Variants in MYH2 observed in about 807,000 individuals in gnomAD.
MYH2 encodes the protein myosin heavy chain 2.
Under a neutral mutation model 228.1 loss-of-function variants are expected in MYH2, and 139 were observed. That is an observed-to-expected ratio of 0.61 (90% confidence interval 0.53 to 0.70). MYH2 has a LOEUF of 0.70. Ranked by LOEUF, MYH2 falls within the 30% of genes least tolerant of loss-of-function variation. The pLI is 0.00. For synonymous variants in MYH2, 796 were observed against 871.1 expected, an observed-to-expected ratio of 0.91 and a Z score of 1.52; for missense variants, 1,809 against 2,357.5, an observed-to-expected ratio of 0.77 and a Z score of 4.82.
At chr17:10,534,327 G>C (rs539113760) in intron 19 of MYH2, among the ~76,000 whole-genome samples, 2 of 152,198 alleles carry the variant, frequency 1.3e-5, no homozygotes, top group Non-Finnish European at 2.9e-5. Context: ...AAAATGAATA[G>C]CTATGTTTGT....
chr17:10,547,074 G>A, intron 4 of MYH2, among the ~76,000 whole-genome samples: 1 of 152,172 alleles, frequency 6.6e-6, no homozygotes, highest in Middle Eastern at 3.2e-3. Context: ...CTGGGACACA[G>A]AGCAAGACTC....
At chr17:10,540,490 C>T (rs563676670) in intron 11 of MYH2, 104 bp downstream of exon 11, 12 of 1,007,164 alleles carry the variant, frequency 1.2e-5, no homozygotes, top group Non-Finnish European at 1.8e-5. Flanking sequence ...CCATTTGCAT[C>T]CTGGAATCTT....
chr17:10,545,531 A>G (rs766754151), intron 4 of MYH2, 29 bp from the exon 5 acceptor site: 3 of 1,612,688 alleles, frequency 1.9e-6, no homozygotes, highest in Non-Finnish European at 2.5e-6. Context: ...ATAAGTACCC[A>G]AAGACCTTTC....
At chr17:10,531,996 A>C (rs890256915) in intron 21 of MYH2, 108 bp from the exon 22 acceptor site, 3 of 1,362,376 alleles carry the variant, frequency 2.2e-6, no homozygotes, top group African/African-American at 1.7e-5. Flanking sequence ...CTCTGCTTTC[A>C]AACATGCAGA....
At chr17:10,536,662 C>A (rs770935312) in intron 16 of MYH2, 56 bp from the exon 17 acceptor site, 4 of 1,512,896 alleles carry the variant, frequency 2.6e-6, no homozygotes, top group Non-Finnish European at 2.7e-6. Flanking sequence ...CTACTTCTTG[C>A]GTATTTGCTG....
In MYH2 at chr17:10,521,230, A is replaced by T; in HGVS notation, c.*50T>A. On this transcript the variant is annotated 3_prime_UTR_variant, in exon 40 of 40. Transcript: ENST00000245503. ...TAATTACAGAGGGAAATGACCAAAG[A>T]TGTCACATTTTGTGCCTGTCTTCAG... 16 of 1,600,874 alleles carry T rather than the reference A, an allele frequency of 1.0e-5. No individual in the cohort carries two copies. Among genetic ancestry groups the T allele is most frequent in the Non-Finnish European group, 1.4e-5 (16 of 1,169,656 alleles).
chr17:10,545,980 G>A (rs2073624020), intron 4 of MYH2, among the ~76,000 whole-genome samples: 1 of 151,944 alleles, frequency 6.6e-6, no homozygotes, highest in African/African-American at 2.4e-5. Flanking sequence ...AGAAGAAGAA[G>A]TACATGTTAT....
At chr17:10,541,563 T>A (rs2073555583) in intron 10 of MYH2, among the ~76,000 whole-genome samples, 1 of 152,218 alleles carries the variant, frequency 6.6e-6, no homozygotes, top group African/African-American at 2.4e-5. Flanking sequence ...AGTCCTGTGA[T>A]CTCACCCTGC....
chr17:10,527,918 C>G, intron 27 of MYH2, 44 bp from the exon 28 acceptor site: 1 of 1,597,528 alleles, frequency 6.3e-7, no homozygotes, highest in Non-Finnish European at 8.5e-7. Context: ...ACCTTTTAAG[C>G]GAATAATAAT....
intron 27 of MYH2, among the ~76,000 whole-genome samples, chr17:10,528,473 T>A (rs1205953056): frequency 6.6e-6 from 1 of 152,144 alleles, no homozygotes; most frequent in Non-Finnish European, 1.5e-5. Flanking sequence ...GGTGTTGTCG[T>A]TTATTAATGG....
intron 30 of MYH2, 45 bp downstream of exon 30, chr17:10,526,554 A>G (rs370366578): frequency 6.2e-7 from 1 of 1,612,134 alleles, no homozygotes. Flanking sequence ...TTTCTGATTC[A>G]ATATGCAAAG....
intron 11 of MYH2, 56 bp from the exon 12 acceptor site, chr17:10,540,122 A>C: frequency 6.2e-7 from 1 of 1,607,738 alleles, no homozygotes; most frequent in Non-Finnish European, 8.5e-7. Flanking sequence ...GCTTACTGTT[A>C]ATACTGCACA....
chr17:10,547,951 T>C lies in MYH2; in HGVS notation c.-20-11A>G, dbSNP rs906394314. On this transcript the variant is annotated splice_polypyrimidine_tract_variant and intron_variant, in intron 2 of 39. Transcript: ENST00000245503. ...CTGAACTCAGAGGTCCTAAAGGAGA[T>C]AAAACTTTCACATTAGAGAGTCTGG... 4 of 1,608,214 alleles carry C rather than the reference T, an allele frequency of 2.5e-6. No homozygotes were observed. The highest frequency in any genetic ancestry group is 3.4e-6 in the Non-Finnish European group (4 of 1,175,032).
chr17:10,537,890 A>G lies in MYH2; in HGVS notation c.1417-55T>C. The G allele has an allele frequency of 6.2e-7, 1 of 1,613,816 alleles. No individual in the cohort carries two copies. On this transcript the variant is annotated intron_variant, in intron 14 of 39. Transcript: ENST00000245503. The surrounding 1 kb of genome is among the most constrained non-coding windows in gnomAD (Gnocchi z 4.0). ...TTAAGCAAATTGAGTATTTTTTAAA[A>G]TACAGAACTTTTCCATTTTAAAAAT...
Position 10,537,630 on chromosome 17 carries a change from G to C in MYH2, c.1587+35C>G. 1 of 1,614,072 alleles carries C rather than the reference G, an allele frequency of 6.2e-7. No homozygotes were observed. Among genetic ancestry groups the C allele is most frequent in the Non-Finnish European group, 8.5e-7 (1 of 1,180,006 alleles). ...ATAAAAAGCAGCGAATAATATAGTT[G>C]CCGCAAAATATGGTTTCAGAAATGC... On this transcript the variant is annotated intron_variant, in intron 15 of 39. Transcript: ENST00000245503. The surrounding 1 kb of genome is among the most constrained non-coding windows in gnomAD (Gnocchi z 4.0).
rs199698085 is a variant in MYH2 at position 10,543,890 on chromosome 17, A to G, written c.648+12T>C. The G allele has an allele frequency of 1.2e-6, 2 of 1,614,168 alleles. No homozygotes were observed. Among genetic ancestry groups the G allele is most frequent in the East Asian group, 2.2e-5 (1 of 44,880 alleles). On this transcript the variant is annotated intron_variant, in intron 7 of 39. Coordinates refer to ENST00000245503, the MANE Select transcript of MYH2 (RefSeq NM_017534.6). Reference sequence around the variant, plus strand: ...ACAGAGTCTGGATTCTGACTGTGACAATCAGACTCACCTGTATTTTGCCAG... The same window carrying G: ...ACAGAGTCTGGATTCTGACTGTGACGATCAGACTCACCTGTATTTTGCCAG...
rs138393827 is a variant in MYH2 at position 10,524,954 on chromosome 17, G to T, written c.4774C>A (p.Leu1592Met). The stretch of plus-strand genomic sequence containing the variant: ...ACGATTCTAATGTGGTTTCTCTTCA[G>T]CTGGTCAATTTCCTCATCTTTTTCA... ...IAEKDEEIDQ[L>M]KRNHIRIVES... The change falls in exon 34 of 40, where the codon CTG becomes ATG. Residue 1592 changes from leucine to methionine, a missense_variant. Leu to Met is a conservative substitution (Grantham distance 15). Around this residue, in one of 9 missense-constraint regions of MYH2, gnomAD observed 75 missense variants for 131.2 expected, o/e 0.57. Transcript: ENST00000245503. The surrounding 1 kb of genome is among the most constrained non-coding windows in gnomAD (Gnocchi z 4.7). The T allele has an allele frequency of 1.7e-3, 2,734 of 1,614,042 alleles. 35 individuals carry two copies. Among genetic ancestry groups the T allele is most frequent in the South Asian group, 0.016 (1,472 of 91,066 alleles).
intron 4 of MYH2, 151 bp from the exon 5 acceptor site, chr17:10,545,653 C>A: frequency 8.5e-6 from 9 of 1,061,846 alleles, no homozygotes; most frequent in Non-Finnish European, 1.2e-5. Flanking sequence ...CAGCCCCAAC[C>A]TCCCGGGCTC....
Position 10,543,803 on chromosome 17 carries a change from C to G in MYH2, c.649G>C (p.Gly217Arg). 1 of 1,614,172 alleles carries G rather than the reference C, an allele frequency of 6.2e-7. No homozygotes were observed. The highest frequency in any genetic ancestry group is 8.5e-7 in the Non-Finnish European group (1 of 1,179,994). Reference sequence around the variant, plus strand: ...CTGATGATTTGATCTTCCAGAGTCCCCTGCAAAGGCAAGAGCAGTCCTTGC... The same window carrying G: ...CTGATGATTTGATCTTCCAGAGTCCGCTGCAAAGGCAAGAGCAGTCCTTGC... The part of the protein sequence containing the change: ...KEEITSGKIQ[G>R]TLEDQIISAN... Residue 217 changes from glycine to arginine, a missense_variant and splice_region_variant, in exon 8 of 40, where the codon GGG (glycine) becomes CGG (arginine). Physicochemically the swap from Gly to Arg is moderately radical, Grantham distance 125. Around this residue, in one of 9 missense-constraint regions of MYH2, gnomAD observed 373 missense variants for 620.4 expected, o/e 0.60. Transcript: ENST00000245503.
Sources: allele counts gnomAD v4.1 joint callset (sites outside exome capture counted in the v4.1 genomes callset), GRCh38; gene constraint gnomAD v4.1.1; regional missense constraint gnomAD v4.1.1; non-coding constraint Gnocchi (gnomAD v3.1); transcripts MANE v1.5; gene names NCBI Gene and HGNC (gene_info 2026-07-23, HGNC 2026-07-21).